The following APOC3 variants were observed in gnomAD, a reference collection of about 807,000 sequenced individuals.
APOC3 encodes apolipoprotein C-III.
Under a neutral mutation model 7.3 loss-of-function variants are expected in APOC3, and 6 were observed. That is an observed-to-expected ratio of 0.82 (90% confidence interval 0.45 to 1.61). APOC3 has a LOEUF of 1.61. Among genes scored for constraint, APOC3 ranks in the 40% most tolerant of loss-of-function variants. The pLI, the probability that APOC3 is intolerant of heterozygous loss-of-function variation, is 0.01. For synonymous variants in APOC3, 45 were observed against 51.2 expected (o/e 0.88, Z 0.52); for missense variants, 123 against 124.9 (o/e 0.98, Z 0.07).
chr11:116,830,442 G>A lies in APOC3; in HGVS notation c.-13-128G>A, dbSNP rs540254281. ...CCCCTTCTGAGAGCCCGTATTAGCAGGGAGCCGGCCCCTACTCCTTCTGGC... is the reference window on the plus strand; with the variant it reads ...CCCCTTCTGAGAGCCCGTATTAGCAAGGAGCCGGCCCCTACTCCTTCTGGC... On this transcript the variant is annotated intron_variant, in intron 1 of 3. Coordinates refer to ENST00000227667, the MANE Select transcript of APOC3 (RefSeq NM_000040.3). 48 of 952,534 alleles carry A rather than the reference G, an allele frequency of 5.0e-5. No homozygotes were observed. The African/African-American group carries it at 7.1e-4, about 14-fold the overall frequency. The allele number at this position is 952,534 out of a possible 1,614,324, so 59.0% of individuals were successfully genotyped here. A position where few individuals can be genotyped will look rare whatever the true frequency, so the allele number is the denominator to read the frequency against.
At chr11:116,831,396 C>T (rs192473046) in intron 3 of APOC3, among the ~76,000 whole-genome samples, 1 of 147,600 alleles carries the variant, frequency 6.8e-6, no homozygotes, top group Non-Finnish European at 1.5e-5. Context: ...ATGGAGTCTC[C>T]CTCTGTCACC....
At chr11:116,831,060 T>C in intron 3 of APOC3, 164 bp downstream of exon 3, 5 of 843,560 alleles carry the variant, frequency 5.9e-6, no homozygotes, top group East Asian at 2.7e-5. Context: ...GTCAGGCTGC[T>C]GCGGGAGAGA....
Position 116,830,564 on chromosome 11 carries a change from T to C in APOC3, c.-13-6T>C, listed in dbSNP as rs1159734645. The C allele has an allele frequency of 6.2e-7, 1 of 1,613,968 alleles. No individual in the cohort carries two copies. The highest frequency in any genetic ancestry group is 1.1e-5 in the South Asian group (1 of 91,078). On this transcript the variant is annotated splice_region_variant and splice_polypyrimidine_tract_variant and intron_variant, in intron 1 of 3. Transcript: ENST00000227667. ...GGGGTGCCCCTCACAGGACACTTCC[T>C]TGCAGGAACAGAGGTGCCATGCAGC...
intron 3 of APOC3, among the ~76,000 whole-genome samples, chr11:116,831,684 G>A (rs556290847): frequency 4.7e-4 from 72 of 152,286 alleles, no homozygotes; most frequent in African/African-American, 1.7e-3. Context: ...TTTTCTGAAG[G>A]TCTGGCTAGA....
intron 3 of APOC3, among the ~76,000 whole-genome samples, chr11:116,831,843 C>T (rs1941465740): frequency 6.6e-6 from 1 of 152,214 alleles, no homozygotes; most frequent in Non-Finnish European, 1.5e-5. Context: ...ACCTAGATCC[C>T]TGGCATGTGC....
At chr11:116,831,474 C>T (rs541324078) in intron 3 of APOC3, among the ~76,000 whole-genome samples, 3 of 151,864 alleles carry the variant, frequency 2.0e-5, no homozygotes, top group Non-Finnish European at 4.4e-5. Context: ...AACCCATTCT[C>T]CTGCCTCAGC....
In APOC3 at chr11:116,830,864, C is replaced by T. The variant is rs1424633138; in HGVS notation, c.147C>T (p.Ser49=). 6 of 1,613,122 alleles carry T rather than the reference C, an allele frequency of 3.7e-6. No homozygotes were observed. Among genetic ancestry groups the T allele is most frequent in the East Asian group, 2.2e-5 (1 of 44,876 alleles). ...AGACCGCCAAGGATGCACTGAGCAGCGTGCAGGAGTCCCAGGTGGCCCAGC... is the reference window on the plus strand; with the variant it reads ...AGACCGCCAAGGATGCACTGAGCAGTGTGCAGGAGTCCCAGGTGGCCCAGC... ...ATKTAKDALS[S]VQESQVAQQA... Residue 49 remains serine (S), a synonymous_variant, in exon 3 of 4, where the codon AGC becomes AGT. Transcript: ENST00000227667.
Position 116,830,957 on chromosome 11 carries a change from C to T in APOC3, c.179+61C>T, listed in dbSNP as rs544895505. 11 of 1,582,260 alleles carry T rather than the reference C, an allele frequency of 7.0e-6. No homozygotes were observed. In the African/African-American group the frequency reaches 9.4e-5, roughly 14 times the overall value. ...CAGCTGCCTCCATTCCCACCCGCCC[C>T]TGCCCTGGTGAGATCCCAACAATGG... On this transcript the variant is annotated intron_variant, in intron 3 of 3. Coordinates refer to ENST00000227667, the MANE Select transcript of APOC3 (RefSeq NM_000040.3).
rs370227405 is a variant in APOC3, at chr11:116,831,166, C to CCTTTCCCTTT, written c.179+276_179+285dup. On this transcript the variant is annotated intron_variant, in intron 3 of 3. Transcript: ENST00000227667. ...TTAGCCCTCATTTCCATTTTCCTTTCCTTTCCCTTTCTTTCTCTTTCTATT... is the reference window on the plus strand; with the variant it reads ...TTAGCCCTCATTTCCATTTTCCTTTCCTTTCCCTTTCTTTCCCTTTCTTTCTCTTTCTATT... 981 of 332,800 alleles carry CCTTTCCCTTT rather than the reference C, an allele frequency of 2.9e-3. 147 individuals are homozygous for CCTTTCCCTTT. Among genetic ancestry groups the CCTTTCCCTTT allele is most frequent in the African/African-American group, 0.022 (765 of 35,136 alleles). The allele number at this position is 332,800 out of a possible 1,614,324, so 20.6% of individuals were successfully genotyped here.
At chr11:116,831,181 C>CCCTTTCTATT in intron 3 of APOC3, 1 of 293,006 alleles carries the variant, frequency 3.4e-6, no homozygotes, top group African/African-American at 2.6e-5. Context: ...CCCTTTCTTT[C>CCCTTTCTATT]TCTTTCTATT....
intron 3 of APOC3, among the ~76,000 whole-genome samples, chr11:116,831,284 C>T (rs201477146): frequency 0.46 from 37,980 of 82,892 alleles, 8,690 homozygotes; most frequent in Non-Finnish European, 0.5. Context: ...TCTTTCTTTC[C>T]TTTCTTTCTT....
In APOC3 at chr11:116,832,978, G is replaced by T. The variant is rs1306748259; in HGVS notation, c.*94G>T. 6.6e-5 allele frequency: 103 copies of T among 1,571,260 alleles called. No individual in the cohort carries two copies. Among genetic ancestry groups the T allele is most frequent in the Non-Finnish European group, 1.4e-5 (16 of 1,145,958 alleles). ...CTGCCCCTGTAGGTTGCTTAAAAGG[G>T]ACAGTATTCTCAGTGCTCTCCTACC... On this transcript the variant is annotated 3_prime_UTR_variant, in exon 4 of 4. Coordinates refer to ENST00000227667, the MANE Select transcript of APOC3 (RefSeq NM_000040.3).
chr11:116,830,559 C>T lies in APOC3; in HGVS notation c.-13-11C>T. On this transcript the variant is annotated splice_polypyrimidine_tract_variant and intron_variant, in intron 1 of 3. Coordinates refer to ENST00000227667, the MANE Select transcript of APOC3 (RefSeq NM_000040.3). ...GACCTGGGGTGCCCCTCACAGGACA[C>T]TTCCTTGCAGGAACAGAGGTGCCAT... is the stretch of plus-strand genomic sequence containing the variant. 1 of 1,613,938 alleles carries T rather than the reference C, an allele frequency of 6.2e-7. No homozygotes were observed. Among genetic ancestry groups the T allele is most frequent in the Admixed American group, 1.7e-5 (1 of 60,024 alleles).
At chr11:116,832,451 C>G (rs953982365) in intron 3 of APOC3, among the ~76,000 whole-genome samples, 18 of 152,232 alleles carry the variant, frequency 1.2e-4, no homozygotes, top group Admixed American at 1.2e-3. Flanking sequence ...GCACAGAAAA[C>G]AATGACAGCC....
chr11:116,830,494 G>T, intron 1 of APOC3, 76 bp from the exon 2 acceptor site: 1 of 1,518,890 alleles, frequency 6.6e-7, no homozygotes. Flanking sequence ...CTACCTTAGG[G>T]GCCACGCCAC....
Position 116,832,883 on chromosome 11 carries a change from G to A in APOC3, c.299G>A (p.Ter100=), listed in dbSNP as rs756176987. 1 of 1,613,616 alleles carries A rather than the reference G, an allele frequency of 6.2e-7. No homozygotes were observed. The highest frequency in any genetic ancestry group is 1.3e-5 in the African/African-American group (1 of 74,914). ...EVRPTSAVAA[*] The stretch of plus-strand genomic sequence containing the variant: ...AGACCAACTTCAGCCGTGGCTGCCT[G>A]AGACCTCAATACCCCAAGTCCACCT... The change falls in exon 4 of 4, where the codon TGA becomes TAA. Residue 100 remains the stop codon, a stop_retained_variant. Transcript: ENST00000227667.
intron 1 of APOC3, 122 bp from the exon 2 acceptor site, chr11:116,830,448 C>T (rs532162219): frequency 3.0e-5 from 30 of 997,328 alleles, no homozygotes; most frequent in African/African-American, 1.1e-4. Flanking sequence ...AGCAGGGAGC[C>T]GGCCCCTACT....
In APOC3 at chr11:116,832,819, G is replaced by C; in HGVS notation, c.235G>C (p.Asp79His). 6.2e-7 allele frequency: 1 copy of C among 1,614,128 alleles called. No individual in the cohort carries two copies. The highest frequency in any genetic ancestry group is 2.2e-5 in the East Asian group (1 of 44,882). The part of the protein sequence containing the change: ...SLKDYWSTVK[D>H]KFSEFWDLDP... ...GAAAGACTACTGGAGCACCGTTAAG[G>C]ACAAGTTCTCTGAGTTCTGGGATTT... Residue 79 changes from aspartate to histidine, a missense_variant, in exon 4 of 4, where the codon GAC becomes CAC. By Grantham distance (81) the Asp-to-His change is moderately conservative. Transcript: ENST00000227667.
At chr11:116,832,210 C>G (rs1941470469) in intron 3 of APOC3, among the ~76,000 whole-genome samples, 1 of 152,248 alleles carries the variant, frequency 6.6e-6, no homozygotes, top group Admixed American at 6.5e-5. Flanking sequence ...CTGGCATTAG[C>G]TGGCATAGCA....
Sources: allele counts gnomAD v4.1 joint callset (sites outside exome capture counted in the v4.1 genomes callset), GRCh38; gene constraint gnomAD v4.1.1; transcripts MANE v1.5; gene names NCBI Gene and HGNC (gene_info 2026-07-23, HGNC 2026-07-21).